Variants in ERBB4 observed in about 807,000 individuals in gnomAD.
ERBB4 encodes the protein receptor tyrosine-protein kinase erbB-4.
Under a neutral mutation model 158.0 loss-of-function variants are expected in ERBB4, and 42 were observed. The observed-to-expected ratio is 0.27, with a 90% CI of 0.21 to 0.34. ERBB4 has a LOEUF of 0.34. Ranked by LOEUF, ERBB4 falls within the 10% of genes least tolerant of loss-of-function variation. The pLI is 1.00. For synonymous variants in ERBB4, 583 were observed against 558.7 expected, an observed-to-expected ratio of 1.04 and a Z score of -0.61; for missense variants, 1,333 against 1,624.1, an observed-to-expected ratio of 0.82 and a Z score of 3.08.
At chr2:212,065,584 C>T (rs764756675) in intron 2 of ERBB4, among the ~76,000 whole-genome samples, 4 of 151,924 alleles carry the variant, frequency 2.6e-5, no homozygotes, top group Non-Finnish European at 5.9e-5. Flanking sequence ...CATAATTCTC[C>T]CATTCAATTT....
At chr2:212,461,794 A>T (rs983019539) in intron 1 of ERBB4, among the ~76,000 whole-genome samples, 1 of 152,136 alleles carries the variant, frequency 6.6e-6, no homozygotes, top group African/African-American at 2.4e-5. Flanking sequence ...CTGGTGGGAG[A>T]TAACTCAGTC....
chr2:212,280,080 G>A (rs1400202312), intron 1 of ERBB4, among the ~76,000 whole-genome samples: 1 of 151,554 alleles, frequency 6.6e-6, no homozygotes, highest in Non-Finnish European at 1.5e-5. Flanking sequence ...CTCAGAAGAT[G>A]GGAAATAAAT....
At chr2:211,824,485 T>C (rs1016142888) in intron 3 of ERBB4, among the ~76,000 whole-genome samples, 1 of 152,034 alleles carries the variant, frequency 6.6e-6, no homozygotes, top group Non-Finnish European at 1.5e-5. Context: ...TATAATGTGA[T>C]CTGTCCTGCA....
chr2:212,104,481 T>G (rs1315114784), intron 2 of ERBB4, among the ~76,000 whole-genome samples: 1 of 152,132 alleles, frequency 6.6e-6, no homozygotes, highest in Admixed American at 6.6e-5. Context: ...AACAAAAATA[T>G]AATACATGCA....
intron 5 of ERBB4, among the ~76,000 whole-genome samples, chr2:211,736,609 A>G (rs1340887609): frequency 1.3e-5 from 2 of 152,214 alleles, no homozygotes; most frequent in East Asian, 3.8e-4. Flanking sequence ...GCCACTGGTG[A>G]TAAAATTTCC....
At chr2:212,177,632 T>C (rs2081713057) in intron 1 of ERBB4, among the ~76,000 whole-genome samples, 1 of 151,876 alleles carries the variant, frequency 6.6e-6, no homozygotes, top group South Asian at 2.1e-4. Flanking sequence ...AGCTTATCAA[T>C]TATATAGACT....
chr2:211,418,284 T>C (rs1260882877), intron 25 of ERBB4, among the ~76,000 whole-genome samples: 1 of 152,168 alleles, frequency 6.6e-6, no homozygotes. Flanking sequence ...AGGAGGAACA[T>C]GGCATTTGTA....
chr2:211,514,326 T>C (rs2065968249), intron 20 of ERBB4, among the ~76,000 whole-genome samples: 1 of 152,142 alleles, frequency 6.6e-6, no homozygotes, highest in African/African-American at 2.4e-5. Flanking sequence ...ACTGAAAGAA[T>C]CAAAGTAAGG....
intron 5 of ERBB4, among the ~76,000 whole-genome samples, chr2:211,746,730 T>C (rs2074984125): frequency 6.7e-6 from 1 of 150,250 alleles, no homozygotes; most frequent in Non-Finnish European, 1.5e-5. Context: ...CTTGTGAGGC[T>C]GAGGCAGGAG....
intron 3 of ERBB4, among the ~76,000 whole-genome samples, chr2:211,816,084 GC>G (rs2076875372): frequency 1.3e-5 from 2 of 152,214 alleles, no homozygotes; most frequent in African/African-American, 4.8e-5. Flanking sequence ...CTTGCAGATG[GC>G]CTGTTGTGAG....
chr2:212,282,445 G>A (rs1043861151), intron 1 of ERBB4, among the ~76,000 whole-genome samples: 1 of 151,704 alleles, frequency 6.6e-6, no homozygotes, highest in Non-Finnish European at 1.5e-5. Context: ...AGGTGTTATC[G>A]CCCTGATTTA....
rs1203397849 is a variant in ERBB4 at position 211,580,812 on chromosome 2, A to ATT, written c.2302-18725_2302-18724insAA. On this transcript the variant is annotated intron_variant, in intron 19 of 27. Coordinates refer to ENST00000342788, the MANE Select transcript of ERBB4 (RefSeq NM_005235.3). ...GATATATATATATATATATATATAT[A>ATT]ATATATATATATTATATATATAGAT... Among the ~76,000 whole-genome samples, 33 of 48,270 alleles carry ATT rather than the reference A, an allele frequency of 6.8e-4. 2 individuals are homozygous for ATT. Among genetic ancestry groups the ATT allele is most frequent in the African/African-American group, 3.5e-3 (33 of 9,412 alleles). 31.7% of individuals were successfully genotyped at this position (48,270 alleles called of 152,430 possible). A position where few individuals can be genotyped will look rare whatever the true frequency, so the allele number is the denominator to read the frequency against.
At chr2:212,245,059 T>C (rs1239239394) in intron 1 of ERBB4, among the ~76,000 whole-genome samples, 2 of 152,172 alleles carry the variant, frequency 1.3e-5, no homozygotes, top group Admixed American at 6.6e-5. Flanking sequence ...ATAAAAAAAC[T>C]CTCAGAAGTC....
At chr2:211,544,342 T>G (rs551106748) in intron 20 of ERBB4, among the ~76,000 whole-genome samples, 1 of 152,222 alleles carries the variant, frequency 6.6e-6, no homozygotes, top group East Asian at 1.9e-4. Flanking sequence ...ATAAGAGCTT[T>G]TTTCCAATCA....
At chr2:211,618,236 C>T (rs1291546260) in intron 19 of ERBB4, among the ~76,000 whole-genome samples, 1 of 151,964 alleles carries the variant, frequency 6.6e-6, no homozygotes, top group Non-Finnish European at 1.5e-5. Context: ...ATGTTTTCAA[C>T]TAAATAGATC....
chr2:212,249,117 C>G (rs2084425154), intron 1 of ERBB4, among the ~76,000 whole-genome samples: 1 of 152,008 alleles, frequency 6.6e-6, no homozygotes, highest in Admixed American at 6.6e-5. Flanking sequence ...GCTATTAGCA[C>G]TCACTGACTT....
chr2:212,204,329 A>C (rs1180021905), intron 1 of ERBB4, among the ~76,000 whole-genome samples: 1 of 152,134 alleles, frequency 6.6e-6, no homozygotes, highest in African/African-American at 2.4e-5. Flanking sequence ...TTTGTTTTAA[A>C]CTTAATGTGT....
chr2:212,193,914 C>G (rs1008684902), intron 1 of ERBB4, among the ~76,000 whole-genome samples: 2 of 152,052 alleles, frequency 1.3e-5, no homozygotes, highest in East Asian at 3.9e-4. Context: ...TATCTAAATA[C>G]TAAGGTTATT....
At chr2:211,536,385 G>A (rs2066653582) in intron 20 of ERBB4, among the ~76,000 whole-genome samples, 1 of 149,378 alleles carries the variant, frequency 6.7e-6, no homozygotes, top group Admixed American at 6.7e-5. Flanking sequence ...CCCTAAACTT[G>A]AAAGATGGGT....
Sources: allele counts gnomAD v4.1 joint callset (sites outside exome capture counted in the v4.1 genomes callset), GRCh38; gene constraint gnomAD v4.1.1; transcripts MANE v1.5; gene names NCBI Gene and HGNC (gene_info 2026-07-23, HGNC 2026-07-21).